The following ISOC1 variants were observed in gnomAD, a reference collection of about 807,000 sequenced individuals.
ISOC1 encodes the protein isochorismatase domain containing 1.
A neutral mutation model predicts 30.0 loss-of-function variants in ISOC1; 33 were observed. The ratio of observed to expected loss-of-function variants is 1.10; its 90% confidence interval spans 0.83 to 1.47. The LOEUF (loss-of-function observed/expected upper bound fraction) is 1.47, where lower values mean the gene tolerates loss of function less well. Among genes scored for constraint, ISOC1 ranks in the 40% most tolerant of loss-of-function variants. The pLI, the probability that ISOC1 is intolerant of heterozygous loss-of-function variation, is 0.00. For synonymous variants in ISOC1, 178 were observed against 159.8 expected (o/e 1.11, Z -0.86); for missense variants, 372 against 388.0 (o/e 0.96, Z 0.35).
chr5:129,109,776 G>C (rs1215056139), intron 4 of ISOC1, among the ~76,000 whole-genome samples: 2 of 152,126 alleles, frequency 1.3e-5, no homozygotes, highest in Non-Finnish European at 2.9e-5. Context: ...AAGTGTTCTG[G>C]TTTGTTTCCA....
intron 4 of ISOC1, among the ~76,000 whole-genome samples, chr5:129,112,304 A>G (rs1363314270): frequency 2.6e-5 from 4 of 152,174 alleles, no homozygotes; most frequent in African/African-American, 7.2e-5. Context: ...TCACGATCTC[A>G]TGTATTATCA....
chr5:129,112,116 A>T (rs989480054), intron 4 of ISOC1, among the ~76,000 whole-genome samples: 1 of 152,214 alleles, frequency 6.6e-6, no homozygotes, highest in Non-Finnish European at 1.5e-5. Flanking sequence ...TAGTAGTTTT[A>T]ATCCAATTAA....
At chr5:129,095,220 G>A in intron 1 of ISOC1, 145 bp downstream of exon 1, 1 of 771,928 alleles carries the variant, frequency 1.3e-6, no homozygotes, top group Non-Finnish European at 2.0e-6. Flanking sequence ...GAAGGGCTGC[G>A]CGTCTTTCGC....
At chr5:129,099,252 T>C (rs953651589) in intron 1 of ISOC1, among the ~76,000 whole-genome samples, 2 of 152,200 alleles carry the variant, frequency 1.3e-5, no homozygotes, top group African/African-American at 4.8e-5. Flanking sequence ...CCAATGTAGA[T>C]TCAAATGTCA....
At position 129,104,736 on chromosome 5, in the gene ISOC1, G is replaced by T. The variant is rs180715604; in HGVS notation, c.310-220G>T. ...GTGTTATATCATATCTGTATTGTTGGCTGGTTCATTTCTAATTTCCGCTAT... is the reference window on the plus strand; with the variant it reads ...GTGTTATATCATATCTGTATTGTTGTCTGGTTCATTTCTAATTTCCGCTAT... On this transcript the variant is annotated intron_variant, in intron 1 of 4. Transcript: ENST00000173527. 3.5e-4 allele frequency among the ~76,000 whole-genome samples: 53 copies of T among 151,566 alleles called. 1 individual carries two copies. Among genetic ancestry groups the T allele is most frequent in the African/African-American group, 1.3e-3 (52 of 41,366 alleles).
In ISOC1 at chr5:129,108,773, A is replaced by G. The variant is rs541468197; in HGVS notation, c.750+1711A>G. 2.6e-5 allele frequency among the ~76,000 whole-genome samples: 4 copies of G among 152,280 alleles called. No homozygotes were observed. In the South Asian group the frequency reaches 6.2e-4, roughly 24 times the overall value. Reference sequence around the variant, plus strand: ...GTGATTTACTTGCCTCGGCCTCCCAAGGTGCTGGGATTACAGGTGTGAACC... The same window carrying G: ...GTGATTTACTTGCCTCGGCCTCCCAGGGTGCTGGGATTACAGGTGTGAACC... On this transcript the variant is annotated intron_variant, in intron 4 of 4. Transcript: ENST00000173527.
At chr5:129,111,143 G>A (rs3798119) in intron 4 of ISOC1, among the ~76,000 whole-genome samples, 30,641 of 151,816 alleles carry the variant, frequency 0.2, 3,119 homozygotes, top group Middle Eastern at 0.26. Flanking sequence ...TGACTATAAA[G>A]CAAGGAGGAG....
chr5:129,105,075 G>T lies in ISOC1; in HGVS notation c.429G>T (p.Leu143Phe), dbSNP rs756323423. 2 of 1,613,738 alleles carry T rather than the reference G, an allele frequency of 1.2e-6. No homozygotes were observed. Among genetic ancestry groups the T allele is most frequent in the South Asian group, 2.2e-5 (2 of 91,068 alleles). The change falls in exon 2 of 5, where the codon TTG becomes TTT. Residue 143 changes from leucine (L) to phenylalanine (F), a missense_variant and splice_region_variant. Transcript: ENST00000173527. ...ATATTATTAGCGTGGGACAGAGATT[G>T]GTATGCTTGTTTACTTATTTGGTCA... Reference protein sequence around the residue: ...FGDIISVGQRLLQGARILGIP... With the variant: ...FGDIISVGQRFLQGARILGIP...
intron 3 of ISOC1, among the ~76,000 whole-genome samples, chr5:129,105,686 T>G (rs1276032348): frequency 1.3e-5 from 2 of 152,196 alleles, no homozygotes; most frequent in East Asian, 3.9e-4. Context: ...GATTGATTCT[T>G]GGTCCTGTAT....
At chr5:129,111,863 G>A (rs528651614) in intron 4 of ISOC1, among the ~76,000 whole-genome samples, 6 of 152,098 alleles carry the variant, frequency 3.9e-5, no homozygotes, top group African/African-American at 1.4e-4. Flanking sequence ...TCTTTGACCT[G>A]TCAGTGAAAC....
intron 4 of ISOC1, 79 bp downstream of exon 4, chr5:129,107,141 T>C (rs1317434913): frequency 4.2e-6 from 5 of 1,190,276 alleles, no homozygotes; most frequent in East Asian, 2.4e-5. Flanking sequence ...TTAACAGTAA[T>C]GAAAGGTTTA....
intron 1 of ISOC1, among the ~76,000 whole-genome samples, chr5:129,102,470 G>A (rs768056303): frequency 2.0e-5 from 3 of 152,070 alleles, no homozygotes; most frequent in Non-Finnish European, 2.9e-5. Context: ...CTAAAATGAA[G>A]GGCAGGAAAC....
intron 1 of ISOC1, among the ~76,000 whole-genome samples, chr5:129,097,390 CACAT>C (rs1031939318): frequency 2.0e-5 from 3 of 152,056 alleles, no homozygotes; most frequent in African/African-American, 4.8e-5. Flanking sequence ...TATATATACA[CACAT>C]ACATATATAT....
intron 4 of ISOC1, 86 bp downstream of exon 4, chr5:129,107,148 T>C: frequency 9.2e-7 from 1 of 1,091,898 alleles, no homozygotes; most frequent in Non-Finnish European, 1.4e-6. Context: ...TAATGAAAGG[T>C]TTACCTCCTA....
chr5:129,112,185 A>G lies in ISOC1; in HGVS notation c.751-670A>G, dbSNP rs536120640. 6.4e-3 allele frequency among the ~76,000 whole-genome samples: 969 copies of G among 152,326 alleles called. 6 individuals carry two copies. The highest frequency in any genetic ancestry group is 0.011 in the Non-Finnish European group (722 of 68,034). On this transcript the variant is annotated intron_variant, in intron 4 of 4. Transcript: ENST00000173527. ...ATGTAATGTTCTAGCAGCTACAATTATATCTGTAGTACAGCTAATGGAGCT... is the reference window on the plus strand; with the variant it reads ...ATGTAATGTTCTAGCAGCTACAATTGTATCTGTAGTACAGCTAATGGAGCT...
At chr5:129,100,516 T>C (rs964718380) in intron 1 of ISOC1, among the ~76,000 whole-genome samples, 14 of 152,172 alleles carry the variant, frequency 9.2e-5, no homozygotes, top group African/African-American at 2.9e-4. Flanking sequence ...TTATATGTGA[T>C]TTGTTTATAT....
chr5:129,113,120 C>A lies in ISOC1; in HGVS notation c.*119C>A. ...TAAAATGTTAAGTCAAAAACGGCTCCTTTTTTGCGCCTCCTAGTGAAACTT... is the reference window on the plus strand; with the variant it reads ...TAAAATGTTAAGTCAAAAACGGCTCATTTTTTGCGCCTCCTAGTGAAACTT... On this transcript the variant is annotated 3_prime_UTR_variant, in exon 5 of 5. Coordinates refer to ENST00000173527, the MANE Select transcript of ISOC1 (RefSeq NM_016048.2). The A allele has an allele frequency of 1.1e-6, 1 of 899,054 alleles. No homozygotes were observed. The highest frequency in any genetic ancestry group is 1.6e-6 in the Non-Finnish European group (1 of 624,262). 55.7% of individuals were successfully genotyped at this position (899,054 alleles called of 1,614,324 possible). A position where few individuals can be genotyped will look rare whatever the true frequency, so the allele number is the denominator to read the frequency against.
rs376159501 is a variant in ISOC1 at position 129,105,016 on chromosome 5, G to C, written c.370G>C (p.Glu124Gln). Residue 124 changes from glutamate (E) to glutamine (Q), a missense_variant, in exon 2 of 5, where the codon GAA (glutamate) becomes CAA (glutamine). Transcript: ENST00000173527. ...STVFFCCDMQ[E>Q]RFRPAIKYFG... ...TGTGTTTTTCTGCTGTGATATGCAG[G>C]AAAGGTTCAGACCAGCCATCAAGTA... The C allele has an allele frequency of 3.7e-5, 60 of 1,613,592 alleles. No homozygotes were observed. The highest frequency in any genetic ancestry group is 2.8e-4 in the Admixed American group (17 of 59,988).
intron 1 of ISOC1, among the ~76,000 whole-genome samples, chr5:129,102,677 T>C (rs1753586805): frequency 6.6e-6 from 1 of 152,224 alleles, no homozygotes; most frequent in African/African-American, 2.4e-5. Context: ...TTAGAACAGC[T>C]TTTTACTCTT....
Sources: allele counts gnomAD v4.1 joint callset (sites outside exome capture counted in the v4.1 genomes callset), GRCh38; gene constraint gnomAD v4.1.1; transcripts MANE v1.5; gene names NCBI Gene and HGNC (gene_info 2026-07-23, HGNC 2026-07-21).